Variants in THSD7A observed in about 807,000 individuals in gnomAD.
THSD7A encodes thrombospondin type 1 domain containing 7A, also known as thrombospondin type-1 domain-containing protein 7A.
In THSD7A, 96 loss-of-function variants were observed where a neutral mutation model predicts 231.3. The observed-to-expected ratio is 0.41, with a 90% CI of 0.35 to 0.49. The LOEUF (loss-of-function observed/expected upper bound fraction) is 0.49, where lower values mean the gene tolerates loss of function less well. Among genes scored for constraint, THSD7A ranks in the 20% least tolerant of loss-of-function variants. The pLI is 0.05. For synonymous variants in THSD7A, 940 were observed against 743.3 expected, an observed-to-expected ratio of 1.26 and a Z score of -4.30; for missense variants, 2,290 against 2,070.2, an observed-to-expected ratio of 1.11 and a Z score of -2.06.
At chr7:11,763,389 C>T (rs1782927166) in intron 1 of THSD7A, among the ~76,000 whole-genome samples, 2 of 152,152 alleles carry the variant, frequency 1.3e-5, no homozygotes, top group East Asian at 1.9e-4. Context: ...AAGTTAGATG[C>T]TCTCTTCATT....
chr7:11,629,582 A>G (rs17164930), intron 2 of THSD7A, among the ~76,000 whole-genome samples: 15,502 of 152,208 alleles, frequency 0.1, 976 homozygotes, highest in African/African-American at 0.17. Context: ...TGGTAAGGTT[A>G]GGATTAGATT....
At chr7:11,688,558 G>A (rs1373945710) in intron 1 of THSD7A, among the ~76,000 whole-genome samples, 1 of 151,842 alleles carries the variant, frequency 6.6e-6, no homozygotes, top group African/African-American at 2.4e-5. Flanking sequence ...AATACACAGA[G>A]TGACCTTTCT....
intron 6 of THSD7A, among the ~76,000 whole-genome samples, chr7:11,510,329 G>A (rs541199337): frequency 6.6e-6 from 1 of 152,178 alleles, no homozygotes; most frequent in East Asian, 1.9e-4. Flanking sequence ...ATTCACAGCC[G>A]AATTCTACCA....
intron 1 of THSD7A, among the ~76,000 whole-genome samples, chr7:11,680,890 A>T (rs1257064368): frequency 6.6e-6 from 1 of 152,190 alleles, no homozygotes; most frequent in Non-Finnish European, 1.5e-5. Context: ...TACTGTAAAG[A>T]CACATGCACA....
At chr7:11,458,538 G>T (rs1189206218) in intron 11 of THSD7A, among the ~76,000 whole-genome samples, 1 of 152,106 alleles carries the variant, frequency 6.6e-6, no homozygotes, top group Admixed American at 6.6e-5. Flanking sequence ...AAATGGATAA[G>T]ATTGCTGAGG....
chr7:11,629,550 G>C (rs555694434), intron 2 of THSD7A, among the ~76,000 whole-genome samples: 2 of 152,218 alleles, frequency 1.3e-5, no homozygotes, highest in South Asian at 4.1e-4. Context: ...TTTAAATAGT[G>C]GGCAATTTTC....
At chr7:11,629,394 G>A (rs865791878) in intron 2 of THSD7A, among the ~76,000 whole-genome samples, 7 of 152,290 alleles carry the variant, frequency 4.6e-5, no homozygotes, top group Middle Eastern at 6.8e-3. Context: ...ACAGGCAGCC[G>A]AGGCAAGCTT....
intron 1 of THSD7A, among the ~76,000 whole-genome samples, chr7:11,740,044 T>C (rs1782054315): frequency 6.6e-6 from 1 of 151,962 alleles, no homozygotes; most frequent in South Asian, 2.1e-4. Context: ...GGAAGAAACT[T>C]TTATTCACTG....
At chr7:11,508,135 T>C (rs975314972) in intron 6 of THSD7A, among the ~76,000 whole-genome samples, 1 of 152,160 alleles carries the variant, frequency 6.6e-6, no homozygotes, top group African/African-American at 2.4e-5. Flanking sequence ...ACCCTCATGA[T>C]CCAATCACCT....
Position 11,373,263 on chromosome 7 carries a change from C to G in THSD7A, c.*2531G>C, listed in dbSNP as rs1046464593. On this transcript the variant is annotated 3_prime_UTR_variant, in exon 28 of 28. Transcript: ENST00000423059. Reference sequence around the variant, plus strand: ...TATAGCTTTAGTAGGTATTCTATCCCACATTTCAAAATTAATAGGTGTTGC... The same window carrying G: ...TATAGCTTTAGTAGGTATTCTATCCGACATTTCAAAATTAATAGGTGTTGC... 2 of 151,856 alleles carry G rather than the reference C, an allele frequency of 1.3e-5. No homozygotes were observed. The highest frequency in any genetic ancestry group is 2.9e-5 in the Non-Finnish European group (2 of 67,954). The allele number at this position is 151,856 out of a possible 1,614,324, so 9.4% of individuals were successfully genotyped here.
At position 11,590,458 on chromosome 7, in the gene THSD7A, A is replaced by T. The variant is rs1412797152; in HGVS notation, c.1453+2T>A. ...AATCCTTGAGAAGAAAGCAAAGGTT[A>T]CCTTCTTTGTTCTTGTGGGTACTTA... is the stretch of plus-strand genomic sequence containing the variant. On this transcript the variant is annotated splice_donor_variant, in intron 4 of 27. Transcript: ENST00000423059. LOFTEE classifies it high-confidence loss of function. The surrounding 1 kb of genome is among the most constrained non-coding windows in gnomAD (Gnocchi z 4.4). 6.2e-7 allele frequency: 1 copy of T among 1,608,694 alleles called. No individual in the cohort carries two copies. The highest frequency in any genetic ancestry group is 8.5e-7 in the Non-Finnish European group (1 of 1,177,438).
At chr7:11,772,955 G>T (rs1359033987) in intron 1 of THSD7A, among the ~76,000 whole-genome samples, 13 of 152,012 alleles carry the variant, frequency 8.6e-5, no homozygotes, top group Non-Finnish European at 1.8e-4. Flanking sequence ...GACAAAATGT[G>T]TTTTTAAAAA....
chr7:11,471,352 G>A lies in THSD7A; in HGVS notation c.2253-1358C>T, dbSNP rs530733934. Among the ~76,000 whole-genome samples the A allele has an allele frequency of 8.6e-5, 13 of 152,030 alleles. No homozygotes were observed. The South Asian group carries it at 2.1e-3, about 24-fold the overall frequency. On this transcript the variant is annotated intron_variant, in intron 8 of 27. Transcript: ENST00000423059. ...AGAATTCAAATATTTTGTAGCTCAA[G>A]TTTGTCTTTTGTCAAGTAAGTTAAT...
chr7:11,713,674 T>C (rs1047178510), intron 1 of THSD7A, among the ~76,000 whole-genome samples: 5 of 151,230 alleles, frequency 3.3e-5, no homozygotes, highest in African/African-American at 1.2e-4. Flanking sequence ...TCAATCTTTA[T>C]TAAAGAAGCC....
At chr7:11,718,573 T>C (rs1781225579) in intron 1 of THSD7A, among the ~76,000 whole-genome samples, 1 of 151,730 alleles carries the variant, frequency 6.6e-6, no homozygotes, top group South Asian at 2.1e-4. Context: ...GTCATAATTA[T>C]CTACATTATT....
chr7:11,769,932 T>G (rs62433413), intron 1 of THSD7A, among the ~76,000 whole-genome samples: 38,059 of 151,966 alleles, frequency 0.25, 4,948 homozygotes, highest in Middle Eastern at 0.41. Context: ...AACTGACATA[T>G]AATTTATATT....
At chr7:11,731,086 T>C (rs1290558691) in intron 1 of THSD7A, among the ~76,000 whole-genome samples, 2 of 151,644 alleles carry the variant, frequency 1.3e-5, no homozygotes, top group African/African-American at 2.4e-5. Flanking sequence ...TTTAATTTTG[T>C]CTCTTTTCAA....
intron 4 of THSD7A, among the ~76,000 whole-genome samples, chr7:11,582,294 T>C (rs1039456939): frequency 5.3e-5 from 8 of 151,726 alleles, no homozygotes; most frequent in African/African-American, 1.9e-4. Flanking sequence ...TTAATAGTTA[T>C]TAAAACCAAA....
intron 1 of THSD7A, among the ~76,000 whole-genome samples, chr7:11,754,905 A>G (rs1192139899): frequency 6.6e-6 from 1 of 152,052 alleles, no homozygotes; most frequent in African/African-American, 2.4e-5. Flanking sequence ...CACAAATTAT[A>G]TACATGATCA....
Sources: gnomAD v4.1 joint callset for allele counts (sites outside exome capture counted in the v4.1 genomes callset) on GRCh38, gnomAD v4.1.1 for gene constraint, Gnocchi (gnomAD v3.1) non-coding constraint, MANE v1.5 for transcripts, NCBI Gene and HGNC (gene_info 2026-07-23, HGNC 2026-07-21) for gene names.